Variants in IPO7 observed in about 807,000 individuals in gnomAD.
The protein encoded by IPO7 is importin 7, also known as importin-7.
IPO7 carries 13 observed loss-of-function variants against 136.4 expected under a neutral mutation model. The ratio of observed to expected loss-of-function variants is 0.10; its 90% confidence interval spans 0.06 to 0.15. The LOEUF (loss-of-function observed/expected upper bound fraction) is 0.15. IPO7 is among the 10% of genes least tolerant of loss of function. The probability of loss-of-function intolerance (pLI) is 1.00; values close to 1 mark genes in which losing one functional copy is unlikely to be tolerated. For missense variants in IPO7, 857 were observed against 1,240.6 expected (o/e 0.69, Z 4.65); for synonymous variants, 403 against 404.4 (o/e 1.00, Z 0.04).
intron 8 of IPO7, among the ~76,000 whole-genome samples, chr11:9,422,042 G>A (rs1392507356): frequency 6.6e-6 from 1 of 152,188 alleles, no homozygotes; most frequent in Non-Finnish European, 1.5e-5. Flanking sequence ...CACTTTGGAA[G>A]GCCATGGCAG....
At chr11:9,392,548 G>C (rs779287562) in intron 1 of IPO7, among the ~76,000 whole-genome samples, 4 of 152,108 alleles carry the variant, frequency 2.6e-5, no homozygotes, top group South Asian at 2.1e-4. Context: ...GTAAAAATCT[G>C]ATAGCACGGG....
intron 20 of IPO7, 57 bp downstream of exon 20, chr11:9,436,423 T>A: frequency 8.2e-7 from 1 of 1,215,168 alleles, no homozygotes; most frequent in Non-Finnish European, 1.2e-6. Flanking sequence ...CCTTCCACTT[T>A]CTTTCTTCAT....
intron 24 of IPO7, among the ~76,000 whole-genome samples, 179 bp downstream of exon 24, chr11:9,442,376 G>A (rs557048742): frequency 6.6e-6 from 1 of 152,048 alleles, no homozygotes; most frequent in Non-Finnish European, 1.5e-5. Context: ...ACTTAATTTT[G>A]GCTTTGGCTA....
At chr11:9,428,724 G>A (rs759869066) in intron 13 of IPO7, 95 bp downstream of exon 13, 2 of 818,130 alleles carry the variant, frequency 2.4e-6, no homozygotes, top group South Asian at 2.7e-5. Context: ...TCACTTTGAA[G>A]CCTGTGTCTT....
intron 4 of IPO7, 128 bp downstream of exon 4, chr11:9,410,214 C>A: frequency 1.7e-6 from 1 of 596,826 alleles, no homozygotes; most frequent in Non-Finnish European, 2.5e-6. Flanking sequence ...ATGGTAATTT[C>A]AATTTATTAT....
chr11:9,435,730 G>C (rs1855360413), intron 19 of IPO7, among the ~76,000 whole-genome samples: 1 of 152,010 alleles, frequency 6.6e-6, no homozygotes, highest in Non-Finnish European at 1.5e-5. Context: ...TACTCATCTA[G>C]TTTTCACTAG....
intron 24 of IPO7, among the ~76,000 whole-genome samples, chr11:9,442,760 T>C (rs370601942): frequency 1.3e-5 from 2 of 151,332 alleles, no homozygotes; most frequent in Admixed American, 6.6e-5. Flanking sequence ...TGGTGGCTCA[T>C]GCCTGTAATT....
At chr11:9,428,966 T>G in intron 13 of IPO7, 65 bp from the exon 14 acceptor site, 1 of 1,408,528 alleles carries the variant, frequency 7.1e-7, no homozygotes, top group Non-Finnish European at 1.0e-6. Flanking sequence ...ACTCAGGGAA[T>G]AGAGATTAGC....
intron 1 of IPO7, among the ~76,000 whole-genome samples, chr11:9,402,399 C>CAAAAAAAAAAAAAAAAAAAAAAA (rs71062846): frequency 8.9e-5 from 4 of 44,856 alleles, no homozygotes; most frequent in African/African-American, 4.8e-4. Context: ...GACTGTGTCT[C>CAAAAAAAAAAAAAAAAAAAAAAA]AAAAAAAAAA....
intron 20 of IPO7, among the ~76,000 whole-genome samples, chr11:9,436,916 C>A (rs1331941559): frequency 8.6e-6 from 1 of 116,018 alleles, no homozygotes; most frequent in Non-Finnish European, 1.7e-5. Flanking sequence ...GACGCTGTCT[C>A]GCCCTGTCGC....
chr11:9,432,249 A>C (rs1223601089), intron 16 of IPO7, among the ~76,000 whole-genome samples: 1 of 147,826 alleles, frequency 6.8e-6, no homozygotes, highest in African/African-American at 2.5e-5. Flanking sequence ...TTGCCTAGGC[A>C]GGAGTGCAGT....
Position 9,445,279 on chromosome 11 carries a change from C to A in IPO7, c.*85C>A, listed in dbSNP as rs948293016. 1 of 704,242 alleles carries A rather than the reference C, an allele frequency of 1.4e-6. No homozygotes were observed. Among genetic ancestry groups the A allele is most frequent in the Non-Finnish European group, 2.4e-6 (1 of 409,288 alleles). The allele number at this position is 704,242 out of a possible 1,614,324, so 43.6% of individuals were successfully genotyped here. ...TGGTTCCAGAACTGGTTCATGTTAT[C>A]TATTCTAAACTAATAATCAATAGAT... On this transcript the variant is annotated 3_prime_UTR_variant, in exon 25 of 25. Transcript: ENST00000379719.
chr11:9,401,264 A>G (rs1420101240), intron 1 of IPO7, among the ~76,000 whole-genome samples: 6 of 152,188 alleles, frequency 3.9e-5, no homozygotes, highest in Non-Finnish European at 8.8e-5. Flanking sequence ...GAGCTAAAAG[A>G]TGACAGTATA....
intron 16 of IPO7, among the ~76,000 whole-genome samples, chr11:9,432,199 A>G (rs1432350522): frequency 1.3e-5 from 2 of 150,118 alleles, no homozygotes; most frequent in African/African-American, 5.0e-5. Context: ...TTTTTCACTA[A>G]ACTTTTTTTT....
intron 4 of IPO7, among the ~76,000 whole-genome samples, chr11:9,411,234 T>G (rs1162969638): frequency 6.6e-6 from 1 of 152,200 alleles, no homozygotes; most frequent in Non-Finnish European, 1.5e-5. Context: ...GCTACATCAT[T>G]GGAATTCAGT....
At chr11:9,431,916 A>G (rs531375027) in intron 16 of IPO7, among the ~76,000 whole-genome samples, 5 of 152,276 alleles carry the variant, frequency 3.3e-5, no homozygotes, top group African/African-American at 1.2e-4. Context: ...CAGACGCTGC[A>G]GTGAGCATAG....
At chr11:9,397,341 A>AAAAAAAAATATAT in intron 1 of IPO7, among the ~76,000 whole-genome samples, 585 of 10,762 alleles carry the variant, frequency 0.054, 70 homozygotes, top group Non-Finnish European at 0.088. Flanking sequence ...TTTAAAAAAA[A>AAAAAAAAATATAT]ATATATATAT....
chr11:9,425,873 T>C (rs1414745380), intron 12 of IPO7, among the ~76,000 whole-genome samples: 3 of 144,426 alleles, frequency 2.1e-5, no homozygotes, highest in Non-Finnish European at 4.6e-5. Flanking sequence ...AGTGAGACTC[T>C]GTCTCCAAAA....
chr11:9,406,674 C>A (rs1218138931), intron 2 of IPO7, among the ~76,000 whole-genome samples: 1 of 152,052 alleles, frequency 6.6e-6, no homozygotes, highest in Non-Finnish European at 1.5e-5. Flanking sequence ...AGTTCAAGAC[C>A]AGCCTGGTCA....
Sources: gnomAD v4.1 joint callset for allele counts (sites outside exome capture counted in the v4.1 genomes callset) on GRCh38, gnomAD v4.1.1 for gene constraint, MANE v1.5 for transcripts, NCBI Gene and HGNC (gene_info 2026-07-23, HGNC 2026-07-21) for gene names.